ENAH: variants seen among roughly 807,000 people sequenced by gnomAD.
ENAH encodes protein enabled homolog.
In ENAH, 23 loss-of-function variants were observed where a neutral mutation model predicts 78.7. That is an observed-to-expected ratio of 0.29 (90% CI 0.21 to 0.41). The LOEUF (loss-of-function observed/expected upper bound fraction) is 0.41. ENAH is among the 10% of genes least tolerant of loss of function. The pLI is 1.00. For missense variants in ENAH, 544 were observed against 691.0 expected (o/e 0.79, Z 2.39); for synonymous variants, 226 against 241.0 (o/e 0.94, Z 0.58).
intron 3 of ENAH, among the ~76,000 whole-genome samples, chr1:225,547,161 T>C (rs1002938688): frequency 1.1e-4 from 17 of 151,688 alleles, no homozygotes; most frequent in Non-Finnish European, 2.4e-4. Flanking sequence ...AACCTCCGCC[T>C]CCTGGATTCA....
At chr1:225,614,859 T>C (rs1350600536) in intron 1 of ENAH, among the ~76,000 whole-genome samples, 1 of 152,246 alleles carries the variant, frequency 6.6e-6, no homozygotes, top group Non-Finnish European at 1.5e-5. Context: ...CTCAGAAACC[T>C]GTCTCAAATT....
chr1:225,626,909 T>C (rs1658044928), intron 1 of ENAH, among the ~76,000 whole-genome samples: 1 of 152,208 alleles, frequency 6.6e-6, no homozygotes, highest in Non-Finnish European at 1.5e-5. Flanking sequence ...CAAATCATTG[T>C]CAGCTGACAT....
chr1:225,512,536 T>G, intron 9 of ENAH, 121 bp downstream of exon 9: 1 of 992,718 alleles, frequency 1.0e-6, no homozygotes, highest in Non-Finnish European at 1.4e-6. Flanking sequence ...TAGTTAAAAA[T>G]TAGCAAATAT....
intron 11 of ENAH, among the ~76,000 whole-genome samples, chr1:225,506,145 C>T (rs1003047476): frequency 6.6e-6 from 1 of 152,118 alleles, no homozygotes; most frequent in African/African-American, 2.4e-5. Flanking sequence ...CTGCCATCAA[C>T]GTAGGCTTAG....
rs563857113 is a variant in ENAH at position 225,650,782 on chromosome 1, G to A, written c.5+1904C>T. 2.0e-5 allele frequency among the ~76,000 whole-genome samples: 3 copies of A among 148,968 alleles called. No individual in the cohort carries two copies. The Admixed American group carries it at 2.0e-4, about 10-fold the overall frequency. On this transcript the variant is annotated intron_variant, in intron 1 of 13. Transcript: ENST00000366843. The stretch of plus-strand genomic sequence containing the variant: ...GGAGAATCGCTTGAACCCAGGAGGC[G>A]GAGGTTGCAGTGAGCCGAGACCGCG...
chr1:225,637,526 T>G (rs923070519), intron 1 of ENAH, among the ~76,000 whole-genome samples: 3 of 152,036 alleles, frequency 2.0e-5, no homozygotes, highest in African/African-American at 7.2e-5. Context: ...GGAGAAAGTT[T>G]AGACAGGATG....
At chr1:225,567,470 T>C in intron 1 of ENAH, 56 bp from the exon 2 acceptor site, 1 of 1,520,248 alleles carries the variant, frequency 6.6e-7, no homozygotes, top group Non-Finnish European at 8.9e-7. Flanking sequence ...ATGCTAAGTG[T>C]TCCACATAGC....
At chr1:225,581,656 C>T (rs2096818541) in intron 1 of ENAH, among the ~76,000 whole-genome samples, 1 of 151,994 alleles carries the variant, frequency 6.6e-6, no homozygotes, top group Admixed American at 6.6e-5. Flanking sequence ...TTCCAAATGA[C>T]CCTCCCATAG....
At chr1:225,531,686 G>A (rs983738833) in intron 3 of ENAH, among the ~76,000 whole-genome samples, 1 of 152,010 alleles carries the variant, frequency 6.6e-6, no homozygotes, top group Non-Finnish European at 1.5e-5. Flanking sequence ...AATAAGTTAC[G>A]AAATAAATGC....
chr1:225,493,057 AAT>A lies in ENAH; in HGVS notation c.*4716_*4717del, dbSNP rs781356044. 2.0e-5 allele frequency: 3 copies of A among 152,170 alleles called. No individual in the cohort carries two copies. The highest frequency in any genetic ancestry group is 4.4e-5 in the Non-Finnish European group (3 of 68,030). 9.4% of individuals were successfully genotyped at this position (152,170 alleles called of 1,614,324 possible). The stretch of plus-strand genomic sequence containing the variant: ...ATGGTGAGTATCTGTAACCATCCTA[AAT>A]TTACTGCATTAATATTTTACTTTTC... On this transcript the variant is annotated 3_prime_UTR_variant, in exon 14 of 14. Coordinates refer to ENST00000366843, the MANE Select transcript of ENAH (RefSeq NM_018212.6).
At chr1:225,559,961 G>A (rs1043896824) in intron 2 of ENAH, among the ~76,000 whole-genome samples, 1 of 152,192 alleles carries the variant, frequency 6.6e-6, no homozygotes, top group African/African-American at 2.4e-5. Flanking sequence ...AGTGCCAGAA[G>A]GGAGAAATAT....
intron 1 of ENAH, among the ~76,000 whole-genome samples, chr1:225,589,599 C>A (rs1032533943): frequency 6.6e-6 from 1 of 152,128 alleles, no homozygotes; most frequent in Non-Finnish European, 1.5e-5. Flanking sequence ...ATACCTAATA[C>A]AATGTAAATA....
At chr1:225,636,249 T>C (rs10799321) in intron 1 of ENAH, among the ~76,000 whole-genome samples, 27,649 of 152,150 alleles carry the variant, frequency 0.18, 2,762 homozygotes, top group South Asian at 0.36. Flanking sequence ...ACTGTATTAG[T>C]TTCTAATTTT....
At chr1:225,544,614 C>A (rs894237454) in intron 3 of ENAH, among the ~76,000 whole-genome samples, 1 of 152,208 alleles carries the variant, frequency 6.6e-6, no homozygotes, top group Non-Finnish European at 1.5e-5. Flanking sequence ...ATCATTCCCA[C>A]CTTGGGGCAG....
intron 12 of ENAH, 102 bp from the exon 13 acceptor site, chr1:225,498,506 T>G (rs984464754): frequency 2.9e-6 from 2 of 685,070 alleles, no homozygotes; most frequent in African/African-American, 3.8e-5. Flanking sequence ...TGATGTGTAG[T>G]TTTTTTTGTT....
chr1:225,508,530 T>C (rs2096352004), intron 10 of ENAH: 1 of 152,252 alleles, frequency 6.6e-6, no homozygotes, highest in African/African-American at 2.4e-5. Flanking sequence ...AAAATAAATA[T>C]CAGAATCCTG....
chr1:225,524,430 ACT>A (rs2151209348), intron 4 of ENAH, among the ~76,000 whole-genome samples: 1 of 152,362 alleles, frequency 6.6e-6, no homozygotes, highest in African/African-American at 2.4e-5. Flanking sequence ...ATTTAGTAAC[ACT>A]GTTATTATTG....
rs755858562 is a variant in ENAH at position 225,555,116 on chromosome 1, C to G, written c.172-33G>C. 5 of 1,473,074 alleles carry G rather than the reference C, an allele frequency of 3.4e-6. No individual in the cohort carries two copies. In the East Asian group the frequency reaches 9.3e-5, roughly 27 times the overall value. The allele number at this position is 1,473,074 out of a possible 1,614,324, so 91.3% of individuals were successfully genotyped here. A position where few individuals can be genotyped will look rare whatever the true frequency, so the allele number is the denominator to read the frequency against. ...ATAATAATTCTTTATAAAGTCAAACCAATAATTGGCAAAATCAAGGATGTC... is the reference window on the plus strand; with the variant it reads ...ATAATAATTCTTTATAAAGTCAAACGAATAATTGGCAAAATCAAGGATGTC... On this transcript the variant is annotated intron_variant, in intron 2 of 13. Coordinates refer to ENST00000366843, the MANE Select transcript of ENAH (RefSeq NM_018212.6).
intron 1 of ENAH, among the ~76,000 whole-genome samples, chr1:225,633,475 T>C (rs1211172897): frequency 6.6e-6 from 1 of 152,164 alleles, no homozygotes; most frequent in Non-Finnish European, 1.5e-5. Context: ...AAATGAAATT[T>C]GAGAAACAGC....
Sources: allele counts gnomAD v4.1 joint callset (sites outside exome capture counted in the v4.1 genomes callset), GRCh38; gene constraint gnomAD v4.1.1; transcripts MANE v1.5; gene names NCBI Gene and HGNC (gene_info 2026-07-23, HGNC 2026-07-21).